DAPK2: variants seen among roughly 807,000 people sequenced by gnomAD.
DAPK2 encodes death-associated protein kinase 2.
A neutral mutation model predicts 44.1 loss-of-function variants in DAPK2; 35 were observed. The ratio of observed to expected loss-of-function variants is 0.79; its 90% CI spans 0.61 to 1.05. The LOEUF (loss-of-function observed/expected upper bound fraction) is 1.05. DAPK2 is among the 50% of genes least tolerant of loss of function. The probability of loss-of-function intolerance (pLI) is 0.00; values close to 1 mark genes in which losing one functional copy is unlikely to be tolerated. For missense variants in DAPK2, 453 were observed against 483.2 expected, an observed-to-expected ratio of 0.94 and a Z score of 0.59; for synonymous variants, 174 against 182.6, an observed-to-expected ratio of 0.95 and a Z score of 0.38.
chr15:63,986,420 T>C (rs1595857041), intron 1 of DAPK2, among the ~76,000 whole-genome samples: 1 of 152,140 alleles, frequency 6.6e-6, no homozygotes, highest in South Asian at 2.1e-4. Flanking sequence ...ACCAAGGAAT[T>C]GGTTTAATTT....
At chr15:63,955,401 G>A (rs1172065347) in intron 3 of DAPK2, among the ~76,000 whole-genome samples, 2 of 152,054 alleles carry the variant, frequency 1.3e-5, no homozygotes, top group Non-Finnish European at 2.9e-5. Context: ...TAACTCTGTT[G>A]GTATAATGCA....
rs2078828447 is a variant in DAPK2, at chr15:63,912,656, G to A, written c.859-459C>T. ...ATAAGGGCTTTGATGAAAGTCAAGA[G>A]GCAACAGGATGTGCAGTTGCTTTTC... is the stretch of plus-strand genomic sequence containing the variant. On this transcript the variant is annotated intron_variant, in intron 8 of 10. Transcript: ENST00000261891. The surrounding 1 kb of genome is among the most constrained non-coding windows in gnomAD (Gnocchi z 4.4). 6.6e-6 allele frequency among the ~76,000 whole-genome samples: 1 copy of A among 152,322 alleles called. No individual in the cohort carries two copies. Among genetic ancestry groups the A allele is most frequent in the African/African-American group, 2.4e-5 (1 of 41,582 alleles).
At chr15:64,045,339 T>A (rs2080437039) in intron 1 of DAPK2, among the ~76,000 whole-genome samples, 1 of 152,142 alleles carries the variant, frequency 6.6e-6, no homozygotes, top group South Asian at 2.1e-4. Context: ...GGCTGTGAAG[T>A]TAGCTGTGAA....
intron 1 of DAPK2, among the ~76,000 whole-genome samples, chr15:64,032,812 G>A (rs773452675): frequency 1.2e-4 from 19 of 152,164 alleles, no homozygotes; most frequent in Middle Eastern, 6.8e-3. Flanking sequence ...TTAGGTGGGC[G>A]TGGTGGTTCA....
At position 64,046,021 on chromosome 15, in the gene DAPK2, T is replaced by G. The variant is rs2080453397; in HGVS notation, c.-7+277A>C. 6.6e-6 allele frequency among the ~76,000 whole-genome samples: 1 copy of G among 152,184 alleles called. No homozygotes were observed. The highest frequency in any genetic ancestry group is 2.4e-5 in the African/African-American group (1 of 41,456). ...GATGGACGTCTGTCTCCCATCTCCC[T>G]GCTGGGTGCTTGGCTCTGCCCGCCG... On this transcript the variant is annotated intron_variant, in intron 1 of 11. Coordinates refer to the DAPK2 transcript ENST00000457488. The surrounding 1 kb of genome is among the most constrained non-coding windows in gnomAD (Gnocchi z 5.3).
intron 1 of DAPK2, among the ~76,000 whole-genome samples, chr15:64,030,317 T>C (rs1006258517): frequency 6.6e-6 from 1 of 151,780 alleles, no homozygotes; most frequent in East Asian, 1.9e-4. Flanking sequence ...CCAAAGTCTG[T>C]TGTGGTGTTG....
At chr15:63,982,420 C>A (rs544489655) in intron 2 of DAPK2, among the ~76,000 whole-genome samples, 1 of 152,128 alleles carries the variant, frequency 6.6e-6, no homozygotes, top group South Asian at 2.1e-4. Context: ...CAAACTCCGA[C>A]CTTGTGATCT....
At chr15:63,973,797 G>A (rs908915610) in intron 2 of DAPK2, among the ~76,000 whole-genome samples, 1 of 152,188 alleles carries the variant, frequency 6.6e-6, no homozygotes, top group Non-Finnish European at 1.5e-5. Context: ...AGATGACAAA[G>A]CGGAACAAAT....
intron 8 of DAPK2, chr15:63,920,440 G>A (rs1047792573): frequency 5.3e-5 from 8 of 152,004 alleles, no homozygotes; most frequent in African/African-American, 1.9e-4. Context: ...TATGTGGTGG[G>A]GGTAGAGAGA....
chr15:64,019,042 T>C (rs1038452875), intron 1 of DAPK2, among the ~76,000 whole-genome samples: 1 of 152,206 alleles, frequency 6.6e-6, no homozygotes, highest in Admixed American at 6.5e-5. Flanking sequence ...GGTGTATGGT[T>C]GGTGCTTAAC....
chr15:63,944,763 T>A (rs2077405925), intron 3 of DAPK2, among the ~76,000 whole-genome samples: 1 of 152,160 alleles, frequency 6.6e-6, no homozygotes, highest in Non-Finnish European at 1.5e-5. Context: ...TGGTTAAATA[T>A]CTTCAGTGGT....
chr15:64,006,779 C>T (rs564949590), intron 1 of DAPK2, among the ~76,000 whole-genome samples: 3 of 152,296 alleles, frequency 2.0e-5, no homozygotes, highest in East Asian at 1.9e-4. Flanking sequence ...TCTCACCCTG[C>T]CTCATGTGTC....
chr15:63,923,128 G>T lies in DAPK2; in HGVS notation c.858+1688C>A. 1 of 1,535,776 alleles carries T rather than the reference G, an allele frequency of 6.5e-7. No homozygotes were observed. Among genetic ancestry groups the T allele is most frequent in the Non-Finnish European group, 8.7e-7 (1 of 1,146,740 alleles). On this transcript the variant is annotated intron_variant, in intron 8 of 10. Coordinates refer to ENST00000261891, the Ensembl canonical transcript of DAPK2. The surrounding 1 kb of genome is among the most constrained non-coding windows in gnomAD (Gnocchi z 4.2). ...AGATGGAGACCAGGGCCTCCACATC[G>T]TCCTGGATGGTATCGTGGGCCTCCA...
chr15:63,983,534 G>A (rs556336149), exon 2 of DAPK2: 1 of 1,614,006 alleles, frequency 6.2e-7, no homozygotes, highest in African/African-American at 1.3e-5. Flanking sequence ...CCCACTCACA[G>A]CTCAAGGATG....
chr15:63,944,081 C>A lies in DAPK2; in HGVS notation c.454-4720G>T, dbSNP rs574784056. 2.6e-5 allele frequency among the ~76,000 whole-genome samples: 4 copies of A among 152,212 alleles called. No individual in the cohort carries two copies. In the South Asian group the frequency reaches 8.3e-4, roughly 32 times the overall value. On this transcript the variant is annotated intron_variant, in intron 3 of 10. Coordinates refer to ENST00000261891, the Ensembl canonical transcript of DAPK2. ...AACCCATCCCTGGCCTCAGGAGCTC[C>A]TGAGCAGGAGGTCCTCAAGTCAGAT...
In DAPK2 at chr15:64,014,043, A is replaced by T. The variant is rs867841886; in HGVS notation, c.92+26127T>A. On this transcript the variant is annotated intron_variant, in intron 1 of 10. Transcript: ENST00000261891. The stretch of plus-strand genomic sequence containing the variant: ...TGCTGAGGTTGCACCAACACAGGTC[A>T]AGTGTTTATCTACTTGGTTTTCCTC... Among the ~76,000 whole-genome samples, 16 of 152,310 alleles carry T rather than the reference A, an allele frequency of 1.1e-4. No homozygotes were observed. In the Middle Eastern group the frequency reaches 0.01, roughly 97 times the overall value.
At chr15:64,003,067 T>C (rs2079139887) in intron 1 of DAPK2, among the ~76,000 whole-genome samples, 1 of 150,874 alleles carries the variant, frequency 6.6e-6, no homozygotes, top group African/African-American at 2.4e-5. Context: ...TTTATTAATT[T>C]ACCCAAAGCA....
chr15:63,983,463 G>T (rs1041533813), intron 2 of DAPK2, 70 bp downstream of exon 3: 8 of 1,464,116 alleles, frequency 5.5e-6, no homozygotes, highest in African/African-American at 1.4e-5. Flanking sequence ...GGGGCCTGTG[G>T]CTGGAGTTTC....
chr15:64,026,388 C>T (rs1487053045), intron 1 of DAPK2, among the ~76,000 whole-genome samples: 2 of 152,074 alleles, frequency 1.3e-5, no homozygotes, highest in East Asian at 1.9e-4. Context: ...GGACTACAGG[C>T]GCATGCCACC....
Sources: gnomAD v4.1 joint callset for allele counts (sites outside exome capture counted in the v4.1 genomes callset) on GRCh38, gnomAD v4.1.1 for gene constraint, Gnocchi (gnomAD v3.1) non-coding constraint, MANE v1.5 for transcripts, NCBI Gene and HGNC (gene_info 2026-07-23, HGNC 2026-07-21) for gene names.